The following GNAL variants were observed in gnomAD, a reference collection of about 807,000 sequenced individuals.
The protein encoded by GNAL is G protein subunit alpha L.
A neutral mutation model predicts 55.1 loss-of-function variants in GNAL; 18 were observed. The observed-to-expected ratio is 0.33, with a 90% confidence interval of 0.23 to 0.48. GNAL has a LOEUF of 0.48. GNAL is among the 20% of genes least tolerant of loss of function. The pLI, the probability that GNAL is intolerant of heterozygous loss-of-function variation, is 0.99. For missense variants in GNAL, 412 were observed against 614.1 expected (o/e 0.67, Z 3.48); for synonymous variants, 253 against 237.0 (o/e 1.07, Z -0.62).
chr18:11,852,138 G>A, intron 5 of GNAL: 1 of 1,545,804 alleles, frequency 6.5e-7, no homozygotes, highest in South Asian at 1.2e-5. Flanking sequence ...GAGGTTTCCT[G>A]GCCATAGCCA....
intron 3 of GNAL, 47 bp from the exon 4 acceptor site, chr18:11,753,779 A>G (rs763219592): frequency 2.0e-6 from 3 of 1,534,386 alleles, no homozygotes; most frequent in Non-Finnish European, 2.7e-6. Context: ...ATTATCATAC[A>G]TGGAGCCTAA....
chr18:11,834,729 A>C (rs970361129), intron 5 of GNAL, among the ~76,000 whole-genome samples: 5 of 152,178 alleles, frequency 3.3e-5, no homozygotes, highest in African/African-American at 1.2e-4. Context: ...AAAAACAAAG[A>C]AAGAAATTTT....
At chr18:11,863,650 GAAA>G (rs113975970) in intron 6 of GNAL, among the ~76,000 whole-genome samples, 19 of 147,004 alleles carry the variant, frequency 1.3e-4, no homozygotes, top group Non-Finnish European at 2.4e-4. Context: ...TGGGGGTCAG[GAAA>G]AAAAAAAACT....
At chr18:11,708,711 T>C (rs541245037) in intron 1 of GNAL, among the ~76,000 whole-genome samples, 1 of 152,356 alleles carries the variant, frequency 6.6e-6, no homozygotes, top group Non-Finnish European at 1.5e-5. Context: ...AAGGTACACC[T>C]TTATGTGGTT....
At chr18:11,878,676 C>T (rs1396613129) in intron 11 of GNAL, among the ~76,000 whole-genome samples, 4 of 151,974 alleles carry the variant, frequency 2.6e-5, no homozygotes, top group African/African-American at 9.7e-5. Flanking sequence ...CTCAAGCAAC[C>T]CTCCTGCCTC....
intron 4 of GNAL, among the ~76,000 whole-genome samples, chr18:11,817,041 T>C (rs552508479): frequency 1.5e-4 from 23 of 152,246 alleles, no homozygotes; most frequent in African/African-American, 5.5e-4. Context: ...TTTCGTGTGA[T>C]AGAGGAATTC....
chr18:11,784,100 A>C (rs547954171), intron 4 of GNAL, among the ~76,000 whole-genome samples: 2 of 152,346 alleles, frequency 1.3e-5, no homozygotes, highest in Non-Finnish European at 2.9e-5. Flanking sequence ...GGCAGAGAGT[A>C]GCGTTGCCTG....
chr18:11,772,975 C>T (rs953751801), intron 4 of GNAL, among the ~76,000 whole-genome samples: 2 of 152,184 alleles, frequency 1.3e-5, no homozygotes, highest in Non-Finnish European at 2.9e-5. Flanking sequence ...ACAGAGGCCC[C>T]GTCACAGTGG....
chr18:11,879,301 C>G (rs917241587), intron 11 of GNAL, among the ~76,000 whole-genome samples: 1 of 151,624 alleles, frequency 6.6e-6, no homozygotes, highest in Non-Finnish European at 1.5e-5. Flanking sequence ...TTCCCAGGAT[C>G]GAAAAAGGAG....
chr18:11,776,983 C>G (rs1231161967), intron 4 of GNAL, among the ~76,000 whole-genome samples: 1 of 152,156 alleles, frequency 6.6e-6, no homozygotes, highest in Non-Finnish European at 1.5e-5. Flanking sequence ...GTTGTAGTAT[C>G]AATGTAAAAG....
In GNAL at chr18:11,788,914, A is replaced by AAAAAAAATATAT. The variant is rs60071996; in HGVS notation, c.624+34970_624+34971insAAAAAATATATA. On this transcript the variant is annotated intron_variant, in intron 4 of 11. Coordinates refer to ENST00000334049, the MANE Select transcript of GNAL (RefSeq NM_182978.4). The stretch of plus-strand genomic sequence containing the variant: ...TCCGTCTCGAAAAAAAAAAAAAAAA[A>AAAAAAAATATAT]ATATATATATATATATATATATACA... 9.2e-3 allele frequency among the ~76,000 whole-genome samples: 515 copies of AAAAAAAATATAT among 56,214 alleles called. 6 individuals are homozygous for AAAAAAAATATAT. Among genetic ancestry groups the AAAAAAAATATAT allele is most frequent in the East Asian group, 0.013 (18 of 1,400 alleles). The allele number at this position is 56,214 out of a possible 152,430, so 36.9% of individuals were successfully genotyped here. A position where few individuals can be genotyped will look rare whatever the true frequency, so the allele number is the denominator to read the frequency against.
At position 11,717,202 on chromosome 18, in the gene GNAL, C is replaced by A. The variant is rs1455208416; in HGVS notation, c.376+27263C>A. Among the ~76,000 whole-genome samples the A allele has an allele frequency of 3.3e-5, 5 of 152,360 alleles. No homozygotes were observed. The South Asian group carries it at 6.2e-4, about 19-fold the overall frequency. On this transcript the variant is annotated intron_variant, in intron 1 of 11. Transcript: ENST00000334049. Reference sequence around the variant, plus strand: ...GGGCCAGTGGAGCCAGCCGGCCGCTCCCAGTGCGGGGTCCGCGGAGCCCAC... The same window carrying A: ...GGGCCAGTGGAGCCAGCCGGCCGCTACCAGTGCGGGGTCCGCGGAGCCCAC...
At chr18:11,775,445 C>T (rs933413511) in intron 4 of GNAL, among the ~76,000 whole-genome samples, 3 of 152,258 alleles carry the variant, frequency 2.0e-5, no homozygotes, top group African/African-American at 7.2e-5. Context: ...GTAGTAGCCA[C>T]CATGGCGGTC....
At chr18:11,872,805 G>T (rs1252611702) in intron 10 of GNAL, among the ~76,000 whole-genome samples, 2 of 152,192 alleles carry the variant, frequency 1.3e-5, no homozygotes, top group African/African-American at 4.8e-5. Context: ...TGGAAAGAGA[G>T]TCTGAGAGAG....
In GNAL at chr18:11,883,038, T is replaced by C. The variant is rs1481493709; in HGVS notation, c.*1903T>C. ...AAATCTAGAGAAGTGACAGCCTACA[T>C]TACTTCATTATTACTCTTCTTTTAG... On this transcript the variant is annotated 3_prime_UTR_variant, in exon 12 of 12. Coordinates refer to ENST00000334049, the MANE Select transcript of GNAL (RefSeq NM_182978.4). 7.5e-6 allele frequency: 1 copy of C among 133,654 alleles called. No individual in the cohort carries two copies. Among genetic ancestry groups the C allele is most frequent in the Non-Finnish European group, 1.8e-5 (1 of 56,754 alleles). 8.3% of individuals were successfully genotyped at this position (133,654 alleles called of 1,614,324 possible).
At chr18:11,790,436 C>G (rs1364580010) in intron 4 of GNAL, among the ~76,000 whole-genome samples, 1 of 152,152 alleles carries the variant, frequency 6.6e-6, no homozygotes, top group South Asian at 2.1e-4. Flanking sequence ...AATAATGTAA[C>G]ATTCACACTA....
At chr18:11,756,743 A>C (rs891797803) in intron 4 of GNAL, among the ~76,000 whole-genome samples, 1 of 152,140 alleles carries the variant, frequency 6.6e-6, no homozygotes, top group Non-Finnish European at 1.5e-5. Context: ...ATCCTCATTC[A>C]GAATGATATC....
chr18:11,788,708 A>G (rs9676238), intron 4 of GNAL, among the ~76,000 whole-genome samples: 12,867 of 150,776 alleles, frequency 0.085, 985 homozygotes, highest in African/African-American at 0.2. Flanking sequence ...GAAGTTCAAG[A>G]CCAACATGGT....
rs1328993493 is a variant in GNAL, at chr18:11,689,276, C to T, written c.-288C>T. ...CTCGCGGAGGCCCGTCGGTTCGGTC[C>T]GCTCTGGGCGTTAGCAAGTGATCTC... On this transcript the variant is annotated 5_prime_UTR_variant, in exon 1 of 12. Transcript: ENST00000334049. 7.2e-6 allele frequency: 2 copies of T among 276,742 alleles called. No homozygotes were observed. The highest frequency in any genetic ancestry group is 1.3e-5 in the Non-Finnish European group (2 of 148,224). 17.1% of individuals were successfully genotyped at this position (276,742 alleles called of 1,614,324 possible).
Sources: gnomAD v4.1 joint callset for allele counts (sites outside exome capture counted in the v4.1 genomes callset) on GRCh38, gnomAD v4.1.1 for gene constraint, MANE v1.5 for transcripts, NCBI Gene and HGNC (gene_info 2026-07-23, HGNC 2026-07-21) for gene names.